ABI3BP: variants seen among roughly 807,000 people sequenced by gnomAD.
ABI3BP encodes the protein ABI family member 3 binding protein.
ABI3BP carries 216 observed loss-of-function variants against 268.6 expected under a neutral mutation model. That is an observed-to-expected ratio of 0.80 (90% CI 0.72 to 0.90). ABI3BP has a LOEUF of 0.90. ABI3BP is among the 40% of genes least tolerant of loss of function. The probability of loss-of-function intolerance (pLI) is 0.00; values close to 1 mark genes in which losing one functional copy is unlikely to be tolerated. For missense variants in ABI3BP, 2,090 were observed against 2,182.4 expected (o/e 0.96, Z 0.84); for synonymous variants, 730 against 730.0 (o/e 1.00, Z 0.00).
At chr3:100,900,532 A>T (rs945414007) in intron 3 of ABI3BP, among the ~76,000 whole-genome samples, 4 of 152,222 alleles carry the variant, frequency 2.6e-5, no homozygotes, top group African/African-American at 9.6e-5. Context: ...AAATAATGCC[A>T]TTTAGAGATG....
intron 9 of ABI3BP, among the ~76,000 whole-genome samples, chr3:100,869,659 G>A (rs1209805038): frequency 6.6e-6 from 1 of 152,038 alleles, no homozygotes; most frequent in African/African-American, 2.4e-5. Context: ...AGGCCATACT[G>A]TATATCTATA....
rs1576949896 is a variant in ABI3BP at position 100,765,871 on chromosome 3, G to A, written c.4820C>T (p.Ser1607Phe). The change falls in exon 63 of 68, where the codon TCC becomes TTC. Residue 1607 changes from serine to phenylalanine, a missense_variant. Coordinates refer to ENST00000471714, the MANE Select transcript of ABI3BP (RefSeq NM_001375547.2). The part of the protein sequence containing the change: ...KSIQMTNQTF[S>F]TVENLKPNTS... The stretch of plus-strand genomic sequence containing the variant: ...GTTTGGTTTCAGATTTTCTACTGTG[G>A]AAAATGTCTGATTTGTCATTTGAAT... 6.2e-7 allele frequency: 1 copy of A among 1,611,728 alleles called. No homozygotes were observed. Among genetic ancestry groups the A allele is most frequent in the Non-Finnish European group, 8.5e-7 (1 of 1,178,782 alleles).
At chr3:100,913,760 T>C (rs951099554) in intron 2 of ABI3BP, among the ~76,000 whole-genome samples, 1 of 152,186 alleles carries the variant, frequency 6.6e-6, no homozygotes. Flanking sequence ...AGAATGTCTA[T>C]AGAATTATGG....
intron 1 of ABI3BP, among the ~76,000 whole-genome samples, chr3:100,978,625 A>G (rs1408231787): frequency 6.6e-6 from 1 of 152,238 alleles, no homozygotes. Context: ...CAGCAAGTTC[A>G]TCTCAAGAAC....
At chr3:100,965,399 A>G (rs1283022131) in intron 1 of ABI3BP, among the ~76,000 whole-genome samples, 1 of 152,168 alleles carries the variant, frequency 6.6e-6, no homozygotes, top group East Asian at 1.9e-4. Flanking sequence ...CTATAGTTTT[A>G]ACAGATGCCC....
chr3:100,939,982 G>C (rs1342578410), intron 1 of ABI3BP, among the ~76,000 whole-genome samples: 2 of 152,060 alleles, frequency 1.3e-5, no homozygotes, highest in Admixed American at 1.3e-4. Flanking sequence ...TCTCCCATTT[G>C]CTTTTGAAAG....
intron 58 of ABI3BP, 145 bp from the exon 59 acceptor site, chr3:100,778,521 C>T (rs550765709): frequency 1.5e-6 from 1 of 685,032 alleles, no homozygotes; most frequent in South Asian, 2.0e-5. Context: ...GAAAAGTGCA[C>T]ACAAATATAT....
In ABI3BP at chr3:100,755,858, G is replaced by A. The variant is rs139974728; in HGVS notation, c.4851-1167C>T. On this transcript the variant is annotated intron_variant, in intron 63 of 67. Coordinates refer to ENST00000471714, the MANE Select transcript of ABI3BP (RefSeq NM_001375547.2). ...TCAAGGCTTTTGGGAGATAAATTTC[G>A]TCTTTGAGAAGTTTATAATTAAATA... 9.9e-4 allele frequency among the ~76,000 whole-genome samples: 151 copies of A among 152,196 alleles called. 1 individual carries two copies. Among genetic ancestry groups the A allele is most frequent in the East Asian group, 9.7e-4 (5 of 5,174 alleles).
chr3:100,972,260 T>A (rs1414510293), intron 1 of ABI3BP, among the ~76,000 whole-genome samples: 2 of 152,200 alleles, frequency 1.3e-5, no homozygotes, highest in South Asian at 2.1e-4. Context: ...ATCAAATTTT[T>A]ATGTGAAAAA....
intron 54 of ABI3BP, among the ~76,000 whole-genome samples, chr3:100,794,672 A>G (rs973954427): frequency 3.9e-5 from 6 of 152,026 alleles, no homozygotes; most frequent in African/African-American, 1.2e-4. Context: ...ATTCTTAAGT[A>G]TTCTAAATCA....
In ABI3BP at chr3:100,749,399, G is replaced by GTTGATAAGA. The variant is rs1559745300; in HGVS notation, c.*1087_*1095dup. On this transcript the variant is annotated 3_prime_UTR_variant, in exon 68 of 68. Coordinates refer to ENST00000471714, the MANE Select transcript of ABI3BP (RefSeq NM_001375547.2). ...TTGTTTGAAAAATACAAAATGTAGCGTTGATAAGATTGAAGCATGTTGAAA... is the reference window on the plus strand; with the variant it reads ...TTGTTTGAAAAATACAAAATGTAGCGTTGATAAGATTGATAAGATTGAAGCATGTTGAAA... The GTTGATAAGA allele has an allele frequency of 2.7e-6, 1 of 369,406 alleles. No individual in the cohort carries two copies. The highest frequency in any genetic ancestry group is 4.8e-6 in the Non-Finnish European group (1 of 208,042). 22.9% of individuals were successfully genotyped at this position (369,406 alleles called of 1,614,324 possible).
chr3:100,828,010 T>C (rs899567146), intron 34 of ABI3BP, among the ~76,000 whole-genome samples: 1 of 151,228 alleles, frequency 6.6e-6, no homozygotes, highest in Non-Finnish European at 1.5e-5. Flanking sequence ...GCAAGTGGGA[T>C]AAAAAAACAA....
At chr3:100,778,146 A>G (rs1187838906) in intron 59 of ABI3BP, 138 bp downstream of exon 59, 4 of 786,714 alleles carry the variant, frequency 5.1e-6, no homozygotes, top group African/African-American at 3.6e-5. Context: ...CATCATTTAC[A>G]GTGTCTAGTC....
At chr3:100,874,961 A>T (rs1473516375) in intron 8 of ABI3BP, 28 bp from the exon 9 acceptor site, 6 of 1,317,970 alleles carry the variant, frequency 4.6e-6, no homozygotes, top group Non-Finnish European at 6.4e-6. Context: ...TAAATAAGAT[A>T]AGGGGAAGAA....
In ABI3BP at chr3:100,874,904, T is replaced by C; in HGVS notation, c.847A>G (p.Thr283Ala). The C allele has an allele frequency of 1.3e-6, 2 of 1,599,076 alleles. No individual in the cohort carries two copies. The highest frequency in any genetic ancestry group is 1.7e-6 in the Non-Finnish European group (2 of 1,171,254). The change falls in exon 9 of 68, where the codon ACT becomes GCT. Residue 283 changes from threonine (T) to alanine (A), a missense_variant. Physicochemically the swap from Thr to Ala is moderately conservative, Grantham distance 58. Transcript: ENST00000471714. ...VHLIIPGLNE[T>A]TVKLPASLMF... Reference sequence around the variant, plus strand: ...AGGGATGCAGGAAGTTTTACAGTAGTTTCATTAAGACCTGGAATAATAAGG... The same window carrying C: ...AGGGATGCAGGAAGTTTTACAGTAGCTTCATTAAGACCTGGAATAATAAGG...
intron 62 of ABI3BP, among the ~76,000 whole-genome samples, chr3:100,767,706 C>T (rs555542522): frequency 6.6e-6 from 1 of 152,044 alleles, no homozygotes; most frequent in East Asian, 1.9e-4. Flanking sequence ...AATAATATCT[C>T]TTCATACTAC....
At chr3:100,904,792 A>G (rs1288329635) in intron 2 of ABI3BP, among the ~76,000 whole-genome samples, 2 of 152,184 alleles carry the variant, frequency 1.3e-5, no homozygotes, top group Non-Finnish European at 2.9e-5. Context: ...GAGAAATAGG[A>G]ACACTTTTAC....
chr3:100,777,786 A>G (rs1242339400), intron 59 of ABI3BP, among the ~76,000 whole-genome samples: 1 of 152,212 alleles, frequency 6.6e-6, no homozygotes, highest in East Asian at 1.9e-4. Context: ...GTACTGTTGC[A>G]CAGGCTAGGC....
At chr3:100,780,925 T>C (rs2096846393) in intron 57 of ABI3BP, among the ~76,000 whole-genome samples, 1 of 152,220 alleles carries the variant, frequency 6.6e-6, no homozygotes, top group African/African-American at 2.4e-5. Context: ...AATTAGGTTT[T>C]TGTCGTATTT....
Sources: gnomAD v4.1 joint callset for allele counts (sites outside exome capture counted in the v4.1 genomes callset) on GRCh38, gnomAD v4.1.1 for gene constraint, MANE v1.5 for transcripts, NCBI Gene and HGNC (gene_info 2026-07-23, HGNC 2026-07-21) for gene names.